AIG1: variants seen among roughly 807,000 people sequenced by gnomAD.
The protein encoded by AIG1 is androgen-induced gene 1 protein.
AIG1 carries 23 observed loss-of-function variants against 31.4 expected under a neutral mutation model. The ratio of observed to expected loss-of-function variants is 0.73; its 90% CI spans 0.53 to 1.04. AIG1 has a LOEUF of 1.04. AIG1 is among the 50% of genes least tolerant of loss of function. The pLI is 0.00. For missense variants in AIG1, 274 were observed against 295.0 expected (o/e 0.93, Z 0.52); for synonymous variants, 100 against 110.5 (o/e 0.90, Z 0.60).
intron 3 of AIG1, among the ~76,000 whole-genome samples, chr6:143,167,723 G>C (rs1787097116): frequency 6.6e-6 from 1 of 152,084 alleles, no homozygotes; most frequent in Non-Finnish European, 1.5e-5. Flanking sequence ...ACACAAGGAG[G>C]AATTGAATGA....
chr6:143,254,002 G>C (rs1265195818), intron 3 of AIG1, among the ~76,000 whole-genome samples: 1 of 152,160 alleles, frequency 6.6e-6, no homozygotes, highest in East Asian at 1.9e-4. Context: ...CTAGCTATCA[G>C]GGAGTGCTTT....
At chr6:143,093,314 T>G (rs1779471052) in intron 1 of AIG1, among the ~76,000 whole-genome samples, 2 of 152,246 alleles carry the variant, frequency 1.3e-5, no homozygotes, top group Admixed American at 6.5e-5. Context: ...GCTTTTTTCC[T>G]TAAACCTCAT....
intron 1 of AIG1, among the ~76,000 whole-genome samples, chr6:143,080,285 T>A (rs1778112409): frequency 6.6e-6 from 1 of 152,130 alleles, no homozygotes; most frequent in Admixed American, 6.5e-5. Context: ...GAGCATGGGC[T>A]AGCAGGCCAG....
chr6:143,273,217 C>G (rs1348611444), intron 3 of AIG1, among the ~76,000 whole-genome samples: 1 of 152,164 alleles, frequency 6.6e-6, no homozygotes, highest in East Asian at 1.9e-4. Flanking sequence ...TTGCAGGATG[C>G]TGATATCTAC....
At chr6:143,114,470 G>GA (rs879336818) in intron 1 of AIG1, among the ~76,000 whole-genome samples, 18 of 152,118 alleles carry the variant, frequency 1.2e-4, no homozygotes, top group Admixed American at 1.2e-3. Context: ...AAATAGATGG[G>GA]AAAAAAATGC....
chr6:143,250,487 G>A (rs1367334594), intron 3 of AIG1, among the ~76,000 whole-genome samples: 3 of 152,274 alleles, frequency 2.0e-5, no homozygotes, highest in South Asian at 4.1e-4. Context: ...TATGGCAAAA[G>A]AGTGATTATT....
intron 2 of AIG1, among the ~76,000 whole-genome samples, chr6:143,138,397 G>T (rs1045339565): frequency 6.6e-6 from 1 of 152,006 alleles, no homozygotes; most frequent in Non-Finnish European, 1.5e-5. Context: ...CATACTTTCT[G>T]CATAAAAGAA....
At chr6:143,282,445 T>C (rs1421792081) in intron 3 of AIG1, among the ~76,000 whole-genome samples, 5 of 152,204 alleles carry the variant, frequency 3.3e-5, no homozygotes, top group African/African-American at 1.2e-4. Context: ...TCCAGGCCGA[T>C]GTCATCTGAG....
rs1005643604 is a variant in AIG1, at chr6:143,329,925, A to C, written c.516-3357A>C. On this transcript the variant is annotated intron_variant, in intron 4 of 5. Transcript: ENST00000357847. This position sits in a 1 kb window ranked among gnomAD's most constrained non-coding sequence, Gnocchi z 4.9. ...TCGAGACCATATGGGAATATTTACTATCTGGTTCTTTACAGAAAAGGTTTC... is the reference window on the plus strand; with the variant it reads ...TCGAGACCATATGGGAATATTTACTCTCTGGTTCTTTACAGAAAAGGTTTC... 6.6e-6 allele frequency among the ~76,000 whole-genome samples: 1 copy of C among 152,156 alleles called. No homozygotes were observed. Among genetic ancestry groups the C allele is most frequent in the Non-Finnish European group, 1.5e-5 (1 of 68,028 alleles).
chr6:143,312,934 G>A (rs191800096), intron 4 of AIG1, among the ~76,000 whole-genome samples: 1 of 152,200 alleles, frequency 6.6e-6, no homozygotes, highest in East Asian at 1.9e-4. Context: ...CATACAAATG[G>A]CTAACTGGTA....
intron 1 of AIG1, among the ~76,000 whole-genome samples, chr6:143,066,344 C>T (rs1335712694): frequency 6.6e-6 from 1 of 151,696 alleles, no homozygotes; most frequent in Non-Finnish European, 1.5e-5. Context: ...GTGATCTTGG[C>T]TCACTTCAAC....
chr6:143,156,262 G>C (rs996851916), intron 2 of AIG1, among the ~76,000 whole-genome samples: 4 of 152,192 alleles, frequency 2.6e-5, no homozygotes, highest in Non-Finnish European at 4.4e-5. Context: ...GCATGTATCC[G>C]TTAGTGAGTA....
intron 1 of AIG1, among the ~76,000 whole-genome samples, chr6:143,084,345 A>G (rs1054208474): frequency 3.3e-5 from 5 of 152,130 alleles, no homozygotes; most frequent in East Asian, 1.9e-4. Flanking sequence ...TATTCGGACA[A>G]TCTTTTTTAC....
chr6:143,238,351 C>G (rs553568945), intron 3 of AIG1, among the ~76,000 whole-genome samples: 1 of 152,198 alleles, frequency 6.6e-6, no homozygotes, highest in Admixed American at 6.5e-5. Context: ...ATTATTTTCT[C>G]ATAACAACAA....
At chr6:143,086,437 C>T (rs1049099036) in intron 1 of AIG1, among the ~76,000 whole-genome samples, 2 of 152,106 alleles carry the variant, frequency 1.3e-5, no homozygotes, top group African/African-American at 2.4e-5. Context: ...ACTCAATTCA[C>T]TTTCATCCTG....
Position 143,289,700 on chromosome 6 carries a change from C to T in AIG1, c.515+5475C>T, listed in dbSNP as rs1045892300. 2.4e-4 allele frequency among the ~76,000 whole-genome samples: 36 copies of T among 152,116 alleles called. 1 individual carries two copies. Among genetic ancestry groups the T allele is most frequent in the Middle Eastern group, 3.4e-3 (1 of 294 alleles). ...TGAAATGGTTTTGTACCTCAAGTTT[C>T]TGCTGGAAACATACATTATTTTTTA... On this transcript the variant is annotated intron_variant, in intron 4 of 5. Coordinates refer to ENST00000357847, the MANE Select transcript of AIG1 (RefSeq NM_016108.4).
chr6:143,324,578 C>T (rs1776457471), intron 4 of AIG1, among the ~76,000 whole-genome samples: 2 of 152,308 alleles, frequency 1.3e-5, no homozygotes, highest in East Asian at 3.9e-4. Flanking sequence ...ATGTGTATCT[C>T]AGATTCTCCA....
At chr6:143,074,822 T>C (rs1413180074) in intron 1 of AIG1, among the ~76,000 whole-genome samples, 1 of 152,170 alleles carries the variant, frequency 6.6e-6, no homozygotes, top group African/African-American at 2.4e-5. Flanking sequence ...TTGTCAATAG[T>C]GTGTTTTTCT....
At chr6:143,322,890 AG>A (rs1214554088) in intron 4 of AIG1, among the ~76,000 whole-genome samples, 13 of 152,232 alleles carry the variant, frequency 8.5e-5, no homozygotes, top group African/African-American at 3.1e-4. Flanking sequence ...TGAGAAGTAC[AG>A]AAAAATATTA....
Sources: allele counts gnomAD v4.1 joint callset (sites outside exome capture counted in the v4.1 genomes callset), GRCh38; gene constraint gnomAD v4.1.1; non-coding constraint Gnocchi (gnomAD v3.1); transcripts MANE v1.5; gene names NCBI Gene and HGNC (gene_info 2026-07-23, HGNC 2026-07-21).